The following SMYD3 variants were observed in gnomAD, a reference collection of about 807,000 sequenced individuals.
SMYD3 encodes the protein SET and MYND domain containing 3.
In SMYD3, 36 loss-of-function variants were observed where a neutral mutation model predicts 57.7. That is an observed-to-expected ratio of 0.62 (90% CI 0.48 to 0.82). The LOEUF (loss-of-function observed/expected upper bound fraction) is 0.82. Ranked by LOEUF, SMYD3 falls within the 40% of genes least tolerant of loss-of-function variation. The pLI, the probability that SMYD3 is intolerant of heterozygous loss-of-function variation, is 0.00. For missense variants in SMYD3, 515 were observed against 538.8 expected, an observed-to-expected ratio of 0.96 and a Z score of 0.44; for synonymous variants, 211 against 195.0, an observed-to-expected ratio of 1.08 and a Z score of -0.68.
intron 1 of SMYD3, among the ~76,000 whole-genome samples, chr1:246,424,580 G>A (rs1371452640): frequency 1.3e-5 from 2 of 152,162 alleles, no homozygotes; most frequent in East Asian, 3.8e-4. Context: ...AGTTTTCACA[G>A]ATGATTTACT....
At chr1:246,480,566 G>A (rs1447832858) in intron 1 of SMYD3, among the ~76,000 whole-genome samples, 1 of 152,002 alleles carries the variant, frequency 6.6e-6, no homozygotes, top group Non-Finnish European at 1.5e-5. Context: ...CCTATTCCGA[G>A]AGAAAGGGGA....
chr1:246,007,416 A>G (rs2059194335), intron 5 of SMYD3, among the ~76,000 whole-genome samples: 1 of 152,088 alleles, frequency 6.6e-6, no homozygotes, highest in Non-Finnish European at 1.5e-5. Flanking sequence ...CTCTGATCTC[A>G]CCTTAATAAA....
At chr1:246,387,656 G>C (rs1208915345) in intron 1 of SMYD3, among the ~76,000 whole-genome samples, 1 of 152,216 alleles carries the variant, frequency 6.6e-6, no homozygotes, top group Non-Finnish European at 1.5e-5. Context: ...AGGCAGGGAA[G>C]TCTCCTCGGA....
chr1:246,304,897 C>A (rs1188661435), intron 5 of SMYD3, among the ~76,000 whole-genome samples: 1 of 152,180 alleles, frequency 6.6e-6, no homozygotes, highest in Non-Finnish European at 1.5e-5. Context: ...ATGAAACTTT[C>A]ATCTTTGTTG....
At chr1:246,260,252 A>C (rs114568264) in intron 5 of SMYD3, among the ~76,000 whole-genome samples, 22 of 152,226 alleles carry the variant, frequency 1.4e-4, no homozygotes, top group Admixed American at 1.4e-3. Context: ...GCTGAACCAG[A>C]TAAGCAGGTG....
chr1:246,037,371 G>A (rs187128417), intron 5 of SMYD3, among the ~76,000 whole-genome samples: 106 of 152,206 alleles, frequency 7.0e-4, no homozygotes, highest in African/African-American at 2.4e-3. Flanking sequence ...TTATGAATGA[G>A]CTGAGGAGCT....
intron 1 of SMYD3, among the ~76,000 whole-genome samples, chr1:246,359,426 A>C (rs762497594): frequency 6.6e-6 from 1 of 152,220 alleles, no homozygotes; most frequent in East Asian, 1.9e-4. Context: ...ACTATTCCAG[A>C]GGATAGAGAA....
intron 1 of SMYD3, among the ~76,000 whole-genome samples, chr1:246,364,652 AC>A (rs1285991859): frequency 6.6e-6 from 1 of 152,196 alleles, no homozygotes; most frequent in African/African-American, 2.4e-5. Context: ...CAGGTACCTC[AC>A]CCCTGAAAGA....
At chr1:246,078,456 C>A (rs936549871) in intron 5 of SMYD3, among the ~76,000 whole-genome samples, 1 of 152,216 alleles carries the variant, frequency 6.6e-6, no homozygotes, top group Non-Finnish European at 1.5e-5. Flanking sequence ...TTTGAAATGA[C>A]CGGCCTTCTT....
intron 1 of SMYD3, among the ~76,000 whole-genome samples, chr1:246,425,374 CT>C (rs1237267152): frequency 6.6e-6 from 1 of 152,196 alleles, no homozygotes; most frequent in East Asian, 1.9e-4. Flanking sequence ...TCAGTTTGGT[CT>C]GTAACTGGAG....
intron 1 of SMYD3, among the ~76,000 whole-genome samples, chr1:246,367,651 C>G (rs1252817163): frequency 1.3e-5 from 2 of 152,056 alleles, no homozygotes; most frequent in African/African-American, 4.8e-5. Flanking sequence ...AGGCTGCTCT[C>G]GAACTCCTGG....
At chr1:246,084,022 C>G (rs1558213336) in intron 5 of SMYD3, among the ~76,000 whole-genome samples, 1 of 151,848 alleles carries the variant, frequency 6.6e-6, no homozygotes. Context: ...TTTTTTAATA[C>G]TGTAGTATTG....
chr1:246,248,631 C>CTTG lies in SMYD3; in HGVS notation c.531+78569_531+78570insCAA, dbSNP rs1309872022. ...GGCCAGTTATGCAAAAGCTCTCTGA[C>CTTG]TTTCCTTTTTTTTTTTTTTTTTTTT... On this transcript the variant is annotated intron_variant, in intron 5 of 11. Transcript: ENST00000490107. 7.4e-4 allele frequency among the ~76,000 whole-genome samples: 88 copies of CTTG among 119,246 alleles called. 3 individuals carry two copies. The highest frequency in any genetic ancestry group is 1.5e-3 in the East Asian group (5 of 3,394). The allele number at this position is 119,246 out of a possible 152,430, so 78.2% of individuals were successfully genotyped here. A position where few individuals can be genotyped will look rare whatever the true frequency, so the allele number is the denominator to read the frequency against.
At chr1:245,911,109 T>TA (rs1223977625) in intron 8 of SMYD3, among the ~76,000 whole-genome samples, 2 of 151,790 alleles carry the variant, frequency 1.3e-5, no homozygotes, top group Admixed American at 6.6e-5. Flanking sequence ...AACAGATATA[T>TA]AAAAAAATGT....
chr1:246,136,797 C>T (rs1053132302), intron 5 of SMYD3, among the ~76,000 whole-genome samples: 6 of 152,184 alleles, frequency 3.9e-5, no homozygotes, highest in African/African-American at 1.4e-4. Context: ...AACTAAGATG[C>T]AGACAGTCCT....
intron 3 of SMYD3, among the ~76,000 whole-genome samples, chr1:246,331,376 A>C (rs2065459413): frequency 6.6e-6 from 1 of 152,252 alleles, no homozygotes; most frequent in African/African-American, 2.4e-5. Context: ...AGAGGAAAGT[A>C]GAAAATGACA....
intron 1 of SMYD3, among the ~76,000 whole-genome samples, chr1:246,470,593 A>G (rs941349252): frequency 2.0e-5 from 3 of 150,182 alleles, no homozygotes; most frequent in Non-Finnish European, 4.4e-5. Flanking sequence ...CACACTATAC[A>G]TTGTGTATAT....
intron 5 of SMYD3, among the ~76,000 whole-genome samples, chr1:245,952,539 G>C (rs1192097108): frequency 6.6e-6 from 1 of 152,168 alleles, no homozygotes; most frequent in Non-Finnish European, 1.5e-5. Context: ...AAGCAAATGA[G>C]TGAAGAGGCC....
chr1:246,144,065 T>C (rs2061804741), intron 5 of SMYD3, among the ~76,000 whole-genome samples: 2 of 152,210 alleles, frequency 1.3e-5, no homozygotes, highest in South Asian at 4.1e-4. Flanking sequence ...CTGACTGTAC[T>C]TATAAGCTAC....
Sources: gnomAD v4.1 joint callset for allele counts (sites outside exome capture counted in the v4.1 genomes callset) on GRCh38, gnomAD v4.1.1 for gene constraint, MANE v1.5 for transcripts, NCBI Gene and HGNC (gene_info 2026-07-23, HGNC 2026-07-21) for gene names.